The following TCF12 variants were observed in gnomAD, a reference collection of about 807,000 sequenced individuals.
TCF12 encodes transcription factor 12.
Under a neutral mutation model 86.0 loss-of-function variants are expected in TCF12, and 45 were observed. That is an observed-to-expected ratio of 0.52 (90% CI 0.41 to 0.67). The LOEUF (loss-of-function observed/expected upper bound fraction) is 0.67, where lower values mean the gene tolerates loss of function less well. Among genes scored for constraint, TCF12 ranks in the 30% least tolerant of loss-of-function variants. TCF12 has a pLI of 0.00. For missense variants in TCF12, 881 were observed against 859.9 expected, an observed-to-expected ratio of 1.02 and a Z score of -0.31; for synonymous variants, 330 against 299.6, an observed-to-expected ratio of 1.10 and a Z score of -1.05.
intron 12 of TCF12, among the ~76,000 whole-genome samples, chr15:57,237,996 AG>A (rs1202368233): frequency 6.6e-6 from 1 of 152,190 alleles, no homozygotes; most frequent in African/African-American, 2.4e-5. Context: ...TGTAACTTAC[AG>A]GGCTATCTGT....
At chr15:57,069,245 A>G (rs2069162336) in intron 4 of TCF12, among the ~76,000 whole-genome samples, 1 of 152,162 alleles carries the variant, frequency 6.6e-6, no homozygotes, top group Non-Finnish European at 1.5e-5. Flanking sequence ...CTGATAGGAA[A>G]CCACTGATAG....
chr15:57,275,649 G>T (rs534523000), intron 19 of TCF12, among the ~76,000 whole-genome samples: 3 of 151,992 alleles, frequency 2.0e-5, no homozygotes, highest in African/African-American at 7.3e-5. Flanking sequence ...ATCCTGTACA[G>T]AGACCCTCCT....
Position 57,104,432 on chromosome 15 carries a change from TTTC to T in TCF12, c.325+12544_325+12546del, listed in dbSNP as rs1261300927. The stretch of plus-strand genomic sequence containing the variant: ...TGGAGCCACAAGAATAAATTTTTTT[TTTC>T]TTTTTTTTTTTTTTTTTTTTTTTTG... On this transcript the variant is annotated intron_variant, in intron 5 of 20. Coordinates refer to ENST00000333725, the MANE Select transcript of TCF12 (RefSeq NM_207037.2). Among the ~76,000 whole-genome samples the T allele has an allele frequency of 8.5e-5, 7 of 81,906 alleles. No homozygotes were observed. The South Asian group carries it at 2.3e-3, about 27-fold the overall frequency. 53.7% of individuals were successfully genotyped at this position (81,906 alleles called of 152,430 possible).
intron 6 of TCF12, among the ~76,000 whole-genome samples, chr15:57,184,690 C>G (rs1266892857): frequency 6.6e-6 from 1 of 152,056 alleles, no homozygotes; most frequent in Non-Finnish European, 1.5e-5. Flanking sequence ...ATCTAGTGTA[C>G]TACGAGCCAT....
chr15:56,971,286 G>A (rs922348393), intron 3 of TCF12, among the ~76,000 whole-genome samples: 1 of 152,054 alleles, frequency 6.6e-6, no homozygotes, highest in Non-Finnish European at 1.5e-5. Context: ...AAATTAGCTG[G>A]GCGTGGTAGT....
intron 8 of TCF12, among the ~76,000 whole-genome samples, chr15:57,216,529 C>A (rs1020239790): frequency 1.4e-5 from 2 of 141,304 alleles, no homozygotes; most frequent in African/African-American, 2.7e-5. Flanking sequence ...TTTTGTCAGA[C>A]TGAGTCATAG....
intron 5 of TCF12, among the ~76,000 whole-genome samples, chr15:57,134,865 T>A (rs533424251): frequency 1.6e-3 from 237 of 150,848 alleles, no homozygotes; most frequent in African/African-American, 5.5e-3. Context: ...AATTATAAAA[T>A]GTACAGTTTG....
chr15:57,085,963 C>T (rs1325207099), intron 4 of TCF12, among the ~76,000 whole-genome samples: 1 of 152,006 alleles, frequency 6.6e-6, no homozygotes, highest in African/African-American at 2.4e-5. Flanking sequence ...TTCTTACCAC[C>T]TTTCTTTCTG....
At chr15:57,238,582 A>G (rs574163580) in intron 12 of TCF12, among the ~76,000 whole-genome samples, 6 of 152,300 alleles carry the variant, frequency 3.9e-5, no homozygotes, top group African/African-American at 1.4e-4. Context: ...TGCCCTTGGT[A>G]TTTCTGTTGC....
downstream of TCF12, chr15:57,290,830 T>C (rs534294954): frequency 8.5e-5 from 13 of 152,262 alleles, no homozygotes; most frequent in African/African-American, 2.4e-4. Context: ...TCCCAACAGG[T>C]TGTCTTTGAA....
chr15:57,163,763 A>T (rs1162478755), intron 5 of TCF12, among the ~76,000 whole-genome samples: 1 of 152,186 alleles, frequency 6.6e-6, no homozygotes, highest in Non-Finnish European at 1.5e-5. Context: ...CCATTAAAGG[A>T]TTGTACACTT....
intron 3 of TCF12, among the ~76,000 whole-genome samples, chr15:57,015,650 G>A (rs2065111681): frequency 6.6e-6 from 1 of 152,142 alleles, no homozygotes; most frequent in African/African-American, 2.4e-5. Flanking sequence ...GTGTCCATTT[G>A]TGGGCTACAT....
intron 12 of TCF12, among the ~76,000 whole-genome samples, chr15:57,241,639 G>A (rs1380574672): frequency 2.0e-5 from 3 of 152,116 alleles, no homozygotes; most frequent in Admixed American, 1.3e-4. Context: ...ATATCCATTT[G>A]TAGTCAAAGG....
chr15:56,927,466 T>C (rs948108924), intron 3 of TCF12, among the ~76,000 whole-genome samples: 9 of 152,260 alleles, frequency 5.9e-5, no homozygotes, highest in African/African-American at 1.7e-4. Context: ...GTCCTGTTTT[T>C]TGTTTCACTT....
intron 8 of TCF12, among the ~76,000 whole-genome samples, chr15:57,218,295 G>A (rs528094244): frequency 6.6e-6 from 1 of 152,164 alleles, no homozygotes; most frequent in Non-Finnish European, 1.5e-5. Context: ...GGGAAGGATA[G>A]TACAAAGAAG....
chr15:57,011,444 G>A (rs2064824913), intron 3 of TCF12, among the ~76,000 whole-genome samples: 1 of 151,964 alleles, frequency 6.6e-6, no homozygotes, highest in Admixed American at 6.6e-5. Flanking sequence ...GCACATTCTA[G>A]GTCTTTGCTT....
chr15:57,285,668 T>C (rs1215352392), intron 20 of TCF12, among the ~76,000 whole-genome samples: 1 of 152,244 alleles, frequency 6.6e-6, no homozygotes, highest in Non-Finnish European at 1.5e-5. Flanking sequence ...AGCTCAGTTA[T>C]TGCCAACTTG....
At chr15:57,017,726 C>CTTTTTTTTTTTTTTTTTTTTTTTTTT (rs34230192) in intron 3 of TCF12, among the ~76,000 whole-genome samples, 1 of 130,568 alleles carries the variant, frequency 7.7e-6, no homozygotes, top group Non-Finnish European at 1.6e-5. Context: ...AATTTTCTTT[C>CTTTTTTTTTTTTTTTTTTTTTTTTTT]TTTTTTTTTT....
At chr15:56,985,594 T>C (rs1444086507) in intron 3 of TCF12, among the ~76,000 whole-genome samples, 4 of 152,154 alleles carry the variant, frequency 2.6e-5, no homozygotes, top group African/African-American at 7.2e-5. Context: ...CCTGTCTTTA[T>C]AAAAATGTAT....
Sources: gnomAD v4.1 joint callset for allele counts (sites outside exome capture counted in the v4.1 genomes callset) on GRCh38, gnomAD v4.1.1 for gene constraint, MANE v1.5 for transcripts, NCBI Gene and HGNC (gene_info 2026-07-23, HGNC 2026-07-21) for gene names.